The following MAST4 variants were observed in gnomAD, a reference collection of about 807,000 sequenced individuals.
MAST4 encodes the protein microtubule associated serine/threonine kinase family member 4.
In MAST4, 89 loss-of-function variants were observed where a neutral mutation model predicts 162.7. That is an observed-to-expected ratio of 0.55 (90% CI 0.46 to 0.65). The LOEUF (loss-of-function observed/expected upper bound fraction) is 0.65, where lower values mean the gene tolerates loss of function less well. Ranked by LOEUF, MAST4 falls within the 30% of genes least tolerant of loss-of-function variation. The pLI, the probability that MAST4 is intolerant of heterozygous loss-of-function variation, is 0.00. For synonymous variants in MAST4, 1,479 were observed against 1,361.1 expected, an observed-to-expected ratio of 1.09 and a Z score of -1.91; for missense variants, 3,153 against 3,374.0, an observed-to-expected ratio of 0.93 and a Z score of 1.62.
intron 5 of MAST4, among the ~76,000 whole-genome samples, chr5:67,062,685 A>G (rs1759771632): frequency 6.6e-6 from 1 of 152,166 alleles, no homozygotes; most frequent in South Asian, 2.1e-4. Flanking sequence ...AGTCATAACA[A>G]ATTAATTGTT....
intron 1 of MAST4, among the ~76,000 whole-genome samples, chr5:66,602,414 A>G (rs1468457538): frequency 6.6e-6 from 1 of 152,188 alleles, no homozygotes; most frequent in Non-Finnish European, 1.5e-5. Flanking sequence ...TACTCCAGGG[A>G]ATGTCAAATA....
chr5:66,845,123 AT>A (rs1758741709), intron 3 of MAST4, among the ~76,000 whole-genome samples: 1 of 137,652 alleles, frequency 7.3e-6, no homozygotes, highest in East Asian at 2.4e-4. Flanking sequence ...ATATATATAT[AT>A]ATACACACAC....
intron 1 of MAST4, among the ~76,000 whole-genome samples, chr5:66,675,033 A>G (rs1747855928): frequency 6.6e-6 from 1 of 152,170 alleles, no homozygotes; most frequent in Admixed American, 6.6e-5. Context: ...TGCCCCTGCT[A>G]TAGGACAGTC....
chr5:67,032,202 C>T (rs996864751), intron 4 of MAST4, among the ~76,000 whole-genome samples: 3 of 152,110 alleles, frequency 2.0e-5, no homozygotes, highest in African/African-American at 7.2e-5. Context: ...GACTTTGTTA[C>T]CTCTCAGCAC....
rs535116527 is a variant in MAST4, at chr5:66,756,081, C to G, written c.364-3628C>G. ...TATATACCTTTTATCCCTTAAGATG[C>G]TAACATGTTTCCTGTGATAAACTGC... On this transcript the variant is annotated intron_variant, in intron 1 of 28. Coordinates refer to ENST00000403625, the MANE Select transcript of MAST4 (RefSeq NM_001164664.2). 4.6e-5 allele frequency among the ~76,000 whole-genome samples: 7 copies of G among 152,306 alleles called. No homozygotes were observed. In the East Asian group the frequency reaches 1.3e-3, roughly 29 times the overall value.
chr5:67,135,879 G>A (rs887829551), intron 18 of MAST4, among the ~76,000 whole-genome samples: 10 of 152,138 alleles, frequency 6.6e-5, no homozygotes, highest in African/African-American at 9.7e-5. Context: ...TTGCATTTCC[G>A]TACACACAAG....
intron 1 of MAST4, among the ~76,000 whole-genome samples, chr5:66,716,371 G>A (rs977310138): frequency 7.2e-5 from 11 of 152,076 alleles, no homozygotes; most frequent in Non-Finnish European, 1.3e-4. Flanking sequence ...TGTGTATTTA[G>A]AGAGGGGGTC....
At chr5:66,628,360 T>G (rs536859629) in intron 1 of MAST4, among the ~76,000 whole-genome samples, 17 of 148,264 alleles carry the variant, frequency 1.1e-4, no homozygotes, top group Admixed American at 3.4e-4. Context: ...TTTTTTTAAG[T>G]AGGCTCCAGA....
At chr5:66,673,324 T>G (rs541614201) in intron 1 of MAST4, among the ~76,000 whole-genome samples, 75 of 152,058 alleles carry the variant, frequency 4.9e-4, no homozygotes, top group African/African-American at 1.8e-3. Flanking sequence ...AGTTTTATTG[T>G]TTTTTTGCGG....
rs562301530 is a variant in MAST4 at position 66,645,769 on chromosome 5, A to G, written c.363+48751A>G. ...AAGTTATGTGCTTTTATTATAAAAA[A>G]GTTCGAACTGCAGCATTTACAATTT... On this transcript the variant is annotated intron_variant, in intron 1 of 28. Coordinates refer to ENST00000403625, the MANE Select transcript of MAST4 (RefSeq NM_001164664.2). 5.1e-4 allele frequency among the ~76,000 whole-genome samples: 77 copies of G among 152,356 alleles called. No individual in the cohort carries two copies. In the South Asian group the frequency reaches 0.014, roughly 29 times the overall value.
chr5:67,077,891 G>T (rs889076282), intron 5 of MAST4, among the ~76,000 whole-genome samples: 2 of 152,146 alleles, frequency 1.3e-5, no homozygotes, highest in Non-Finnish European at 2.9e-5. Context: ...CCTGAGGTCA[G>T]GAGTTTGAGA....
At chr5:66,622,165 A>G (rs1319376386) in intron 1 of MAST4, among the ~76,000 whole-genome samples, 4 of 152,294 alleles carry the variant, frequency 2.6e-5, no homozygotes, top group Non-Finnish European at 5.9e-5. Context: ...AGCATGGTCG[A>G]GGAAGATGTT....
chr5:66,669,523 C>G (rs35189556), intron 1 of MAST4, among the ~76,000 whole-genome samples: 15,609 of 152,216 alleles, frequency 0.1, 929 homozygotes, highest in Admixed American at 0.16. Flanking sequence ...AGTTGACATT[C>G]TCCCTCCTGG....
chr5:67,123,795 T>C (rs551927530), intron 14 of MAST4, among the ~76,000 whole-genome samples: 17 of 152,308 alleles, frequency 1.1e-4, no homozygotes, highest in African/African-American at 4.1e-4. Context: ...TCTCCCCCAC[T>C]TTGCCTTTCC....
At chr5:66,930,752 G>C (rs1234803300) in intron 4 of MAST4, 1 of 470,750 alleles carries the variant, frequency 2.1e-6, no homozygotes, top group Admixed American at 2.4e-5. Flanking sequence ...TTCAGCAACT[G>C]AGCGATTCTC....
At chr5:66,616,178 T>C (rs1179338918) in intron 1 of MAST4, among the ~76,000 whole-genome samples, 3 of 152,158 alleles carry the variant, frequency 2.0e-5, no homozygotes, top group African/African-American at 4.8e-5. Flanking sequence ...CAGAGACTGA[T>C]AGAAGAAGAA....
chr5:66,764,591 A>C (rs1296640667), intron 2 of MAST4, among the ~76,000 whole-genome samples: 1 of 152,160 alleles, frequency 6.6e-6, no homozygotes, highest in Non-Finnish European at 1.5e-5. Context: ...GCATAGGCCT[A>C]GGCTAATGTG....
At chr5:66,980,717 G>C (rs1278144772) in intron 4 of MAST4, among the ~76,000 whole-genome samples, 1 of 152,214 alleles carries the variant, frequency 6.6e-6, no homozygotes, top group Non-Finnish European at 1.5e-5. Context: ...TCTAGGGCCA[G>C]AACTCAGAGA....
intron 3 of MAST4, among the ~76,000 whole-genome samples, chr5:66,869,500 G>A (rs1466457963): frequency 6.6e-6 from 1 of 152,126 alleles, no homozygotes; most frequent in Admixed American, 6.5e-5. Flanking sequence ...GAGAAAGAAT[G>A]CATGTTGGCA....
Sources: allele counts gnomAD v4.1 joint callset (sites outside exome capture counted in the v4.1 genomes callset), GRCh38; gene constraint gnomAD v4.1.1; transcripts MANE v1.5; gene names NCBI Gene and HGNC (gene_info 2026-07-23, HGNC 2026-07-21).